The following SNTG1 variants were observed in gnomAD, a reference collection of about 807,000 sequenced individuals.
SNTG1 encodes the protein syntrophin gamma 1.
Under a neutral mutation model 74.7 loss-of-function variants are expected in SNTG1, and 39 were observed. The ratio of observed to expected loss-of-function variants is 0.52; its 90% CI spans 0.40 to 0.68. SNTG1 has a LOEUF of 0.68. SNTG1 is among the 30% of genes least tolerant of loss of function. SNTG1 has a pLI of 0.00. For synonymous variants in SNTG1, 254 were observed against 217.1 expected (o/e 1.17, Z -1.49); for missense variants, 685 against 609.5 (o/e 1.12, Z -1.30).
intron 4 of SNTG1, among the ~76,000 whole-genome samples, chr8:50,436,965 T>G (rs1486329344): frequency 3.3e-5 from 5 of 152,136 alleles, no homozygotes; most frequent in Admixed American, 6.6e-5. Context: ...ACAAACAGTA[T>G]GCTGAAAAAT....
intron 8 of SNTG1, among the ~76,000 whole-genome samples, chr8:50,478,366 G>T (rs1301949399): frequency 1.3e-5 from 2 of 152,004 alleles, no homozygotes; most frequent in Non-Finnish European, 2.9e-5. Context: ...CAGGTTTTTG[G>T]ATTCCAACAT....
chr8:50,626,379 C>G (rs543122225), intron 13 of SNTG1, among the ~76,000 whole-genome samples: 1 of 152,066 alleles, frequency 6.6e-6, no homozygotes, highest in African/African-American at 2.4e-5. Context: ...AAGACCAGCT[C>G]GGTTGAGGAG....
intron 12 of SNTG1, among the ~76,000 whole-genome samples, chr8:50,581,380 T>G (rs1375272208): frequency 6.6e-6 from 1 of 152,198 alleles, no homozygotes; most frequent in Admixed American, 6.5e-5. Context: ...ACATCTCTCT[T>G]TTTTGAACAG....
At chr8:50,394,846 C>CTTTT (rs10634199) in intron 3 of SNTG1, among the ~76,000 whole-genome samples, 17 of 143,576 alleles carry the variant, frequency 1.2e-4, no homozygotes, top group Non-Finnish European at 1.1e-4. Flanking sequence ...GAAAAACTAA[C>CTTTT]TTTTTTTTTT....
chr8:50,467,242 T>A (rs1288230327), intron 8 of SNTG1, among the ~76,000 whole-genome samples: 1 of 151,974 alleles, frequency 6.6e-6, no homozygotes, highest in Non-Finnish European at 1.5e-5. Context: ...GGAGGATTAG[T>A]ATTATTTCTT....
At chr8:50,248,074 C>T (rs562222083) in intron 2 of SNTG1, among the ~76,000 whole-genome samples, 1 of 152,184 alleles carries the variant, frequency 6.6e-6, no homozygotes, top group South Asian at 2.1e-4. Flanking sequence ...CCAAATTTCC[C>T]CTATTTATAA....
chr8:50,494,109 A>G (rs949343696), intron 8 of SNTG1, among the ~76,000 whole-genome samples: 2 of 151,536 alleles, frequency 1.3e-5, no homozygotes, highest in Admixed American at 6.6e-5. Context: ...AAACATGTAT[A>G]TATGTATATA....
chr8:50,326,673 AT>A (rs147413287), intron 2 of SNTG1, among the ~76,000 whole-genome samples: 12,363 of 143,528 alleles, frequency 0.086, 580 homozygotes, highest in African/African-American at 0.13. Context: ...TTCTCTATTG[AT>A]TTTTTTTTTC....
At chr8:49,916,518 G>C (rs1303318035) in intron 1 of SNTG1, among the ~76,000 whole-genome samples, 1 of 151,940 alleles carries the variant, frequency 6.6e-6, no homozygotes, top group East Asian at 1.9e-4. Context: ...CATACTTGAA[G>C]ATATTTTTAA....
chr8:49,911,943 T>G lies in SNTG1; in HGVS notation c.-391T>G, dbSNP rs926380162. 10 of 152,244 alleles carry G rather than the reference T, an allele frequency of 6.6e-5. No individual in the cohort carries two copies. The highest frequency in any genetic ancestry group is 2.4e-4 in the African/African-American group (10 of 41,450). 9.4% of individuals were successfully genotyped at this position (152,244 alleles called of 1,614,324 possible). A position where few individuals can be genotyped will look rare whatever the true frequency, so the allele number is the denominator to read the frequency against. On this transcript the variant is annotated 5_prime_UTR_variant, in exon 1 of 19. Coordinates refer to ENST00000642720, the MANE Select transcript of SNTG1 (RefSeq NM_018967.5). ...AAGGACAGGACTCTGAGGAGTACTC[T>G]TGCTCCACAGATTAAACTCTCAGCA...
intron 13 of SNTG1, among the ~76,000 whole-genome samples, chr8:50,598,578 A>G (rs563145617): frequency 2.0e-5 from 3 of 151,924 alleles, no homozygotes; most frequent in Admixed American, 2.0e-4. Context: ...TTACATTTCC[A>G]TATGAATTTG....
At chr8:50,667,324 G>A (rs565476258) in intron 15 of SNTG1, among the ~76,000 whole-genome samples, 2 of 152,086 alleles carry the variant, frequency 1.3e-5, no homozygotes, top group South Asian at 4.1e-4. Flanking sequence ...TTTTAGGGAG[G>A]CCATTTGTCT....
At chr8:50,361,749 T>C (rs1045135883) in intron 2 of SNTG1, among the ~76,000 whole-genome samples, 1 of 152,146 alleles carries the variant, frequency 6.6e-6, no homozygotes, top group Non-Finnish European at 1.5e-5. Context: ...CTAGGAGTTA[T>C]AAGCTATTAC....
intron 1 of SNTG1, among the ~76,000 whole-genome samples, chr8:49,998,690 C>T (rs547339185): frequency 1.3e-5 from 2 of 151,798 alleles, no homozygotes; most frequent in Non-Finnish European, 2.9e-5. Flanking sequence ...CACATCTTGT[C>T]CCCCTGGAAG....
At chr8:50,598,897 T>A (rs554294183) in intron 13 of SNTG1, among the ~76,000 whole-genome samples, 53 of 152,106 alleles carry the variant, frequency 3.5e-4, no homozygotes, top group African/African-American at 1.2e-3. Flanking sequence ...GAAATACTAC[T>A]AATTCTATGT....
At chr8:50,285,892 G>T (rs1490645668) in intron 2 of SNTG1, among the ~76,000 whole-genome samples, 2 of 149,634 alleles carry the variant, frequency 1.3e-5, no homozygotes, top group African/African-American at 2.4e-5. Flanking sequence ...ATTTTCCTCA[G>T]TAACTTGAGT....
intron 9 of SNTG1, among the ~76,000 whole-genome samples, chr8:50,507,790 C>T (rs1476802126): frequency 6.6e-6 from 1 of 151,832 alleles, no homozygotes; most frequent in Non-Finnish European, 1.5e-5. Context: ...CCCATTAACT[C>T]ATCATTTAAC....
intron 9 of SNTG1, among the ~76,000 whole-genome samples, chr8:50,522,094 A>C (rs1335847304): frequency 2.6e-5 from 4 of 152,184 alleles, no homozygotes; most frequent in African/African-American, 9.7e-5. Flanking sequence ...ATCCCCATCT[A>C]TGGCAGCTGT....
chr8:50,472,445 G>A (rs2131753537), intron 8 of SNTG1, among the ~76,000 whole-genome samples: 1 of 152,168 alleles, frequency 6.6e-6, no homozygotes, highest in South Asian at 2.1e-4. Flanking sequence ...TTCAACAAAT[G>A]GTGTTGGGAA....
Sources: gnomAD v4.1 joint callset for allele counts (sites outside exome capture counted in the v4.1 genomes callset) on GRCh38, gnomAD v4.1.1 for gene constraint, MANE v1.5 for transcripts, NCBI Gene and HGNC (gene_info 2026-07-23, HGNC 2026-07-21) for gene names.